The following MATR3 variants were observed in gnomAD, a reference collection of about 807,000 sequenced individuals.
MATR3 encodes matrin-3.
MATR3 carries 4 observed loss-of-function variants against 85.5 expected under a neutral mutation model. The observed-to-expected ratio is 0.05, with a 90% CI of 0.02 to 0.11. MATR3 has a LOEUF of 0.11. Ranked by LOEUF, MATR3 falls within the 10% of genes least tolerant of loss-of-function variation. The probability of loss-of-function intolerance (pLI) is 1.00; values close to 1 mark genes in which losing one functional copy is unlikely to be tolerated. For missense variants in MATR3, 685 were observed against 1,016.1 expected, an observed-to-expected ratio of 0.67 and a Z score of 4.43; for synonymous variants, 336 against 343.1, an observed-to-expected ratio of 0.98 and a Z score of 0.23.
chr5:139,300,632 C>T (rs1754390449), intron 1 of MATR3, among the ~76,000 whole-genome samples: 1 of 152,146 alleles, frequency 6.6e-6, no homozygotes, highest in Admixed American at 6.5e-5. Context: ...GTGTGTCAGA[C>T]ACTATTTTAA....
chr5:139,330,432 T>A lies in MATR3; in HGVS notation c.*1037T>A. Reference sequence around the variant, plus strand: ...GTTAATTGGTTATACATGTTTGGAATGTTAACCAACGTATTTGTCAGTTGT... The same window carrying A: ...GTTAATTGGTTATACATGTTTGGAAAGTTAACCAACGTATTTGTCAGTTGT... On this transcript the variant is annotated 3_prime_UTR_variant, in exon 15 of 15. Transcript: ENST00000394805. 1 of 454,534 alleles carries A rather than the reference T, an allele frequency of 2.2e-6. No individual in the cohort carries two copies. Among genetic ancestry groups the A allele is most frequent in the Non-Finnish European group, 4.4e-6 (1 of 226,796 alleles). The allele number at this position is 454,534 out of a possible 1,614,324, so 28.2% of individuals were successfully genotyped here.
At chr5:139,286,735 T>C (rs1203166066) in intron 3 of MATR3, among the ~76,000 whole-genome samples, 2 of 151,748 alleles carry the variant, frequency 1.3e-5, no homozygotes, top group Non-Finnish European at 2.9e-5. Context: ...TCCCAGTTAC[T>C]TGGGAGGCTG....
intron 1 of MATR3, among the ~76,000 whole-genome samples, chr5:139,297,712 A>G (rs898832295): frequency 6.6e-6 from 1 of 152,196 alleles, no homozygotes; most frequent in African/African-American, 2.4e-5. Flanking sequence ...GTTGTACATC[A>G]AGCCCTAATG....
At position 139,326,287 on chromosome 5, in the gene MATR3, A is replaced by G. The variant is rs2152024439; in HGVS notation, c.2493+3A>G. ...TTCCTCATTATCAGAAATTAAAGGT[A>G]AGGTTGAATGTAAAACAGTTCTTTT... On this transcript the variant is annotated splice_donor_region_variant and intron_variant, in intron 14 of 14. Coordinates refer to ENST00000394805, the MANE Select transcript of MATR3 (RefSeq NM_018834.6). 1 of 1,613,644 alleles carries G rather than the reference A, an allele frequency of 6.2e-7. No homozygotes were observed. Among genetic ancestry groups the G allele is most frequent in the South Asian group, 1.1e-5 (1 of 91,074 alleles).
chr5:139,326,129 T>A, intron 13 of MATR3, 34 bp from the exon 14 acceptor site: 1 of 1,540,050 alleles, frequency 6.5e-7, no homozygotes, highest in Non-Finnish European at 9.0e-7. Context: ...AAATCTTCAG[T>A]TTAATTTGTA....
Position 139,322,255 on chromosome 5 carries a change from C to A in MATR3, c.1735-208C>A, listed in dbSNP as rs3816021. Among the ~76,000 whole-genome samples, 91,386 of 152,012 alleles carry A rather than the reference C, an allele frequency of 0.6. 29,384 individuals are homozygous for A. Among genetic ancestry groups the A allele is most frequent in the Non-Finnish European group, 0.73 (49,614 of 67,974 alleles). Reference sequence around the variant, plus strand: ...ATTGCTCTTATCTGTTTAAGTTTTTCATAGCGTTCTGCTACCAGAATGTTT... The same window carrying A: ...ATTGCTCTTATCTGTTTAAGTTTTTAATAGCGTTCTGCTACCAGAATGTTT... On this transcript the variant is annotated intron_variant, in intron 10 of 14. Coordinates refer to ENST00000394805, the MANE Select transcript of MATR3 (RefSeq NM_018834.6).
chr5:139,309,953 A>G (rs1222700729), intron 2 of MATR3: 3 of 152,170 alleles, frequency 2.0e-5, no homozygotes, highest in African/African-American at 4.8e-5. Flanking sequence ...AGGAAAATAG[A>G]TAGTTACAAG....
intron 2 of MATR3, among the ~76,000 whole-genome samples, chr5:139,277,588 C>T (rs1025234494): frequency 1.3e-5 from 2 of 151,846 alleles, no homozygotes; most frequent in African/African-American, 2.4e-5. Flanking sequence ...GTACTATAGG[C>T]AGGGAAAAGG....
chr5:139,309,228 C>T (rs990467767), intron 2 of MATR3, among the ~76,000 whole-genome samples: 13 of 152,124 alleles, frequency 8.5e-5, no homozygotes, highest in African/African-American at 3.1e-4. Flanking sequence ...TTTTTTCCCC[C>T]AATATATGGT....
upstream of MATR3, among the ~76,000 whole-genome samples, chr5:139,289,617 G>A (rs1422180266): frequency 2.0e-5 from 3 of 152,152 alleles, no homozygotes; most frequent in Non-Finnish European, 2.9e-5. Flanking sequence ...TCCTGTTACT[G>A]TAAAGGAAAT....
intron 1 of MATR3, among the ~76,000 whole-genome samples, chr5:139,304,731 C>T (rs913733130): frequency 6.6e-6 from 1 of 152,042 alleles, no homozygotes; most frequent in Non-Finnish European, 1.5e-5. Context: ...ATTGTTTTAA[C>T]CTCTAGTGCA....
chr5:139,299,464 A>G (rs1163915412), intron 1 of MATR3, among the ~76,000 whole-genome samples: 1 of 152,168 alleles, frequency 6.6e-6, no homozygotes, highest in Non-Finnish European at 1.5e-5. Flanking sequence ...ACTTGAACCC[A>G]GGAGTTCATG....
intron 3 of MATR3, chr5:139,279,252 G>A (rs1328976804): frequency 6.9e-6 from 3 of 435,568 alleles, no homozygotes; most frequent in South Asian, 1.6e-5. Context: ...GGGGGGGGAC[G>A]GAGTCTTGCT....
At chr5:139,278,693 T>C (rs1387423625) in intron 2 of MATR3, 2 of 443,974 alleles carry the variant, frequency 4.5e-6, no homozygotes, top group South Asian at 1.6e-5. Flanking sequence ...TCCACGCCTG[T>C]TTTGCAGTCA....
chr5:139,331,171 TA>T lies in MATR3; in HGVS notation c.*1779del. The stretch of plus-strand genomic sequence containing the variant: ...TTCAAATGTTCAGACCCCAGTTTAT[TA>T]AAGGATACTTCAAATAGTTGGCTAA... On this transcript the variant is annotated 3_prime_UTR_variant, in exon 15 of 15. Coordinates refer to ENST00000394805, the MANE Select transcript of MATR3 (RefSeq NM_018834.6). The T allele has an allele frequency of 2.2e-6, 1 of 454,154 alleles. No individual in the cohort carries two copies. The highest frequency in any genetic ancestry group is 1.6e-5 in the South Asian group (1 of 64,478). The allele number at this position is 454,154 out of a possible 1,614,324, so 28.1% of individuals were successfully genotyped here. A position where few individuals can be genotyped will look rare whatever the true frequency, so the allele number is the denominator to read the frequency against.
chr5:139,297,963 A>G (rs2151933147), intron 1 of MATR3, among the ~76,000 whole-genome samples: 1 of 152,358 alleles, frequency 6.6e-6, no homozygotes, highest in South Asian at 2.1e-4. Context: ...GAGTAGTTGC[A>G]GATGGGTAAG....
At chr5:139,278,958 C>G (rs1231848191) in intron 2 of MATR3, 1 of 516,706 alleles carries the variant, frequency 1.9e-6, no homozygotes, top group Non-Finnish European at 3.9e-6. Context: ...TGGAGTTGAT[C>G]CTAGTCTGGG....
chr5:139,329,331 CTCTT>C lies in MATR3; in HGVS notation c.2494-8_2494-5del, dbSNP rs780449728. ...CTTAGGTGACTTAATGGCTGTAATTCTCTTTCTTTATAGAAATTTCTGAATAAAT... is the reference window on the plus strand; with the variant it reads ...CTTAGGTGACTTAATGGCTGTAATTCTCTTTATAGAAATTTCTGAATAAAT... On this transcript the variant is annotated splice_polypyrimidine_tract_variant and intron_variant, in intron 14 of 14. Transcript: ENST00000394805. 1.3e-5 allele frequency: 20 copies of C among 1,568,634 alleles called. No homozygotes were observed. The highest frequency in any genetic ancestry group is 3.4e-5 in the South Asian group (3 of 88,546).
intron 14 of MATR3, among the ~76,000 whole-genome samples, chr5:139,328,060 A>G (rs1432337416): frequency 6.6e-6 from 1 of 151,414 alleles, no homozygotes; most frequent in African/African-American, 2.4e-5. Context: ...ACGGGGTTTC[A>G]CCATGTTAGC....
Sources: allele counts gnomAD v4.1 joint callset (sites outside exome capture counted in the v4.1 genomes callset), GRCh38; gene constraint gnomAD v4.1.1; transcripts MANE v1.5; gene names NCBI Gene and HGNC (gene_info 2026-07-23, HGNC 2026-07-21).